The following COPS4 variants were observed in gnomAD, a reference collection of about 807,000 sequenced individuals.
The protein encoded by COPS4 is COP9 signalosome complex subunit 4.
A neutral mutation model predicts 55.1 loss-of-function variants in COPS4; 8 were observed. That is an observed-to-expected ratio of 0.15 (90% CI 0.09 to 0.26). The LOEUF is 0.26. COPS4 is among the 10% of genes least tolerant of loss of function. The pLI is 1.00. For synonymous variants in COPS4, 185 were observed against 165.7 expected (o/e 1.12, Z -0.90); for missense variants, 248 against 484.0 (o/e 0.51, Z 4.58).
intron 6 of COPS4, among the ~76,000 whole-genome samples, chr4:83,058,686 A>G (rs1349589627): frequency 6.6e-6 from 1 of 152,170 alleles, no homozygotes; most frequent in Non-Finnish European, 1.5e-5. Flanking sequence ...TTACCTTTTT[A>G]TTGTAACTGT....
chr4:83,070,795 A>G (rs1731406987), intron 9 of COPS4, among the ~76,000 whole-genome samples: 1 of 152,244 alleles, frequency 6.6e-6, no homozygotes, highest in Non-Finnish European at 1.5e-5. Context: ...AAAGAAATAA[A>G]CAAATAGTTA....
intron 1 of COPS4, among the ~76,000 whole-genome samples, chr4:83,036,579 G>A (rs1233943454): frequency 6.6e-6 from 1 of 152,170 alleles, no homozygotes; most frequent in Admixed American, 6.5e-5. Context: ...ATTATCTGAG[G>A]ACAAGATGAG....
chr4:83,038,622 TG>T (rs1730483322), intron 1 of COPS4, among the ~76,000 whole-genome samples: 5 of 6,658 alleles, frequency 7.5e-4, no homozygotes, highest in Non-Finnish European at 1.8e-3. Flanking sequence ...AGCACTTACC[TG>T]TTTTTTTTGT....
intron 1 of COPS4, among the ~76,000 whole-genome samples, chr4:83,044,159 AATTGGCTG>A (rs1730640961): frequency 6.6e-6 from 1 of 152,186 alleles, no homozygotes; most frequent in African/African-American, 2.4e-5. Flanking sequence ...AAAATATTAC[AATTGGCTG>A]GGCGCGGTGG....
chr4:83,070,289 G>T (rs1419522501), intron 9 of COPS4, among the ~76,000 whole-genome samples: 1 of 152,062 alleles, frequency 6.6e-6, no homozygotes, highest in Non-Finnish European at 1.5e-5. Context: ...TATTTCCTTT[G>T]ATTCAGTTAC....
chr4:83,040,373 A>G (rs997201732), intron 1 of COPS4, among the ~76,000 whole-genome samples: 2 of 152,170 alleles, frequency 1.3e-5, no homozygotes, highest in African/African-American at 2.4e-5. Flanking sequence ...GAGAAATTTC[A>G]TTACCTGAGG....
intron 7 of COPS4, among the ~76,000 whole-genome samples, chr4:83,066,236 C>T (rs890356413): frequency 1.3e-5 from 2 of 152,168 alleles, no homozygotes; most frequent in African/African-American, 4.8e-5. Context: ...AATTACTTGC[C>T]AATCACTCAT....
chr4:83,037,748 G>T (rs1730465319), intron 1 of COPS4, among the ~76,000 whole-genome samples: 1 of 151,978 alleles, frequency 6.6e-6, no homozygotes, highest in Non-Finnish European at 1.5e-5. Flanking sequence ...AAGAATAATG[G>T]AATACATTGT....
chr4:83,066,887 C>A (rs1731304561), intron 8 of COPS4, among the ~76,000 whole-genome samples: 1 of 152,088 alleles, frequency 6.6e-6, no homozygotes, highest in Non-Finnish European at 1.5e-5. Context: ...CTGTTTAAAT[C>A]CAACAAAGTA....
At chr4:83,057,554 T>G (rs778394153) in intron 6 of COPS4, 146 bp downstream of exon 6, 1 of 584,946 alleles carries the variant, frequency 1.7e-6, no homozygotes. Flanking sequence ...TTTAAGTGTT[T>G]AAAAACAGAA....
intron 9 of COPS4, among the ~76,000 whole-genome samples, chr4:83,070,482 AGCC>A (rs1372135844): frequency 6.6e-6 from 1 of 152,210 alleles, no homozygotes; most frequent in Non-Finnish European, 1.5e-5. Flanking sequence ...CTAACCAGCC[AGCC>A]ATCCCAAAAC....
At chr4:83,073,803 A>G (rs1048907925) in intron 9 of COPS4, among the ~76,000 whole-genome samples, 2 of 151,998 alleles carry the variant, frequency 1.3e-5, no homozygotes, top group Non-Finnish European at 2.9e-5. Context: ...CTAAAAATAC[A>G]AAAATTAGCT....
intron 4 of COPS4, 41 bp from the exon 5 acceptor site, chr4:83,056,885 C>T (rs1287856833): frequency 1.3e-6 from 2 of 1,496,608 alleles, no homozygotes; most frequent in African/African-American, 1.4e-5. Flanking sequence ...ATTTTCTTGA[C>T]AAAATGTTGA....
intron 6 of COPS4, among the ~76,000 whole-genome samples, chr4:83,058,591 G>C (rs1482205147): frequency 6.6e-6 from 1 of 152,100 alleles, no homozygotes; most frequent in Non-Finnish European, 1.5e-5. Flanking sequence ...ACATGAACAT[G>C]GTACTGCTTC....
intron 6 of COPS4, among the ~76,000 whole-genome samples, chr4:83,059,885 T>TA (rs1731114599): frequency 1.3e-5 from 2 of 151,940 alleles, no homozygotes; most frequent in South Asian, 4.2e-4. Flanking sequence ...TATTTTTTAG[T>TA]AGAGACGGGG....
intron 4 of COPS4, among the ~76,000 whole-genome samples, chr4:83,051,951 C>T (rs1730899443): frequency 1.3e-5 from 2 of 152,054 alleles, no homozygotes; most frequent in South Asian, 4.2e-4. Flanking sequence ...TCCTAGAAGC[C>T]AAATGAGGAA....
At chr4:83,069,901 A>T (rs1731377821) in intron 9 of COPS4, among the ~76,000 whole-genome samples, 1 of 152,116 alleles carries the variant, frequency 6.6e-6, no homozygotes, top group Non-Finnish European at 1.5e-5. Flanking sequence ...ACACTGGTTT[A>T]GGAACCTGAG....
At chr4:83,045,521 C>A in intron 1 of COPS4, 105 bp from the exon 2 acceptor site, 1 of 840,642 alleles carries the variant, frequency 1.2e-6, no homozygotes, top group Non-Finnish European at 1.9e-6. Flanking sequence ...AACTATAGTA[C>A]TATGAAAGAA....
In COPS4 at chr4:83,075,703, G is replaced by A. The variant is rs1357774947; in HGVS notation, c.*273G>A. ...AAATATCTGTGGCTAAAAAGTTTGA[G>A]ATTTGTGATAACTTTGTAGTCATGT... On this transcript the variant is annotated 3_prime_UTR_variant, in exon 10 of 10. Transcript: ENST00000264389. The A allele has an allele frequency of 1.4e-5, 4 of 285,064 alleles. No individual in the cohort carries two copies. Among genetic ancestry groups the A allele is most frequent in the African/African-American group, 4.4e-5 (2 of 45,942 alleles). The allele number at this position is 285,064 out of a possible 1,614,324, so 17.7% of individuals were successfully genotyped here.
Sources: allele counts gnomAD v4.1 joint callset (sites outside exome capture counted in the v4.1 genomes callset), GRCh38; gene constraint gnomAD v4.1.1; transcripts MANE v1.5; gene names NCBI Gene and HGNC (gene_info 2026-07-23, HGNC 2026-07-21).